The following UPF2 variants were observed in gnomAD, a reference collection of about 807,000 sequenced individuals.
UPF2 encodes UPF2 regulator of nonsense mediated mRNA decay.
A neutral mutation model predicts 141.4 loss-of-function variants in UPF2; 17 were observed. The observed-to-expected ratio is 0.12, with a 90% confidence interval of 0.08 to 0.18. The LOEUF (loss-of-function observed/expected upper bound fraction) is 0.18, where lower values mean the gene tolerates loss of function less well. Among genes scored for constraint, UPF2 ranks in the 10% least tolerant of loss-of-function variants. The pLI is 1.00. For missense variants in UPF2, 1,152 were observed against 1,515.9 expected, an observed-to-expected ratio of 0.76 and a Z score of 3.99; for synonymous variants, 540 against 498.0, an observed-to-expected ratio of 1.08 and a Z score of -1.12.
chr10:11,957,385 C>T (rs566984663), intron 12 of UPF2, among the ~76,000 whole-genome samples: 2 of 152,014 alleles, frequency 1.3e-5, no homozygotes, highest in African/African-American at 4.8e-5. Context: ...GCCGAGACTC[C>T]ACCACTGCAC....
At position 11,936,874 on chromosome 10, in the gene UPF2, G is replaced by A. The variant is rs774722362; in HGVS notation, c.3379-162C>T. ...ACCACCATAATACTCTTTCTGAAAC[G>A]TGGATAAATCTAGGGAGTATTTCTC... On this transcript the variant is annotated intron_variant, in intron 18 of 21. Coordinates refer to ENST00000357604, the MANE Select transcript of UPF2 (RefSeq NM_015542.4). The surrounding 1 kb of genome is among the most constrained non-coding windows in gnomAD (Gnocchi z 6.6). Among the ~76,000 whole-genome samples the A allele has an allele frequency of 2.0e-5, 3 of 152,122 alleles. No homozygotes were observed. The highest frequency in any genetic ancestry group is 2.9e-5 in the Non-Finnish European group (2 of 68,036).
intron 4 of UPF2, among the ~76,000 whole-genome samples, chr10:12,012,692 G>C (rs1236978791): frequency 6.6e-6 from 1 of 151,772 alleles, no homozygotes; most frequent in South Asian, 2.1e-4. Context: ...CCAGCTATTC[G>C]GGAGGCTGAG....
At chr10:11,988,190 C>G (rs921476741) in intron 8 of UPF2, among the ~76,000 whole-genome samples, 1 of 152,214 alleles carries the variant, frequency 6.6e-6, no homozygotes, top group Non-Finnish European at 1.5e-5. Flanking sequence ...GACGTTGTCC[C>G]TAGGTATCCA....
chr10:12,009,601 G>A (rs1360873262), intron 4 of UPF2, among the ~76,000 whole-genome samples: 1 of 152,152 alleles, frequency 6.6e-6, no homozygotes, highest in Non-Finnish European at 1.5e-5. Flanking sequence ...CCCTGATAGG[G>A]AGCAGACGAA....
intron 8 of UPF2, among the ~76,000 whole-genome samples, chr10:11,984,549 T>G (rs1053457119): frequency 6.6e-6 from 1 of 152,124 alleles, no homozygotes; most frequent in African/African-American, 2.4e-5. Context: ...TCTTAAACTA[T>G]GTCATTTCAC....
chr10:11,952,635 C>T (rs910715997), intron 14 of UPF2, among the ~76,000 whole-genome samples: 6 of 152,012 alleles, frequency 3.9e-5, no homozygotes, highest in Admixed American at 6.6e-5. Flanking sequence ...CCACCACGCC[C>T]GGCTACTTTT....
At chr10:11,994,638 G>A (rs182810241) in intron 8 of UPF2, among the ~76,000 whole-genome samples, 6 of 152,162 alleles carry the variant, frequency 3.9e-5, no homozygotes, top group Admixed American at 3.9e-4. Context: ...TGGACTATAT[G>A]CCAAACACTA....
In UPF2 at chr10:11,980,037, G is replaced by A. The variant is rs775563734; in HGVS notation, c.1845-872C>T. On this transcript the variant is annotated intron_variant, in intron 8 of 21. Coordinates refer to ENST00000357604, the MANE Select transcript of UPF2 (RefSeq NM_015542.4). The surrounding 1 kb of genome is among the most constrained non-coding windows in gnomAD (Gnocchi z 4.2). ...AGAACCCACTCAGATCTTCATTCAG[G>A]ATCTTAATTTGGACAGTAAATGGCA... Among the ~76,000 whole-genome samples, 3 of 152,154 alleles carry A rather than the reference G, an allele frequency of 2.0e-5. No homozygotes were observed. Among genetic ancestry groups the A allele is most frequent in the Admixed American group, 6.5e-5 (1 of 15,270 alleles).
intron 8 of UPF2, among the ~76,000 whole-genome samples, chr10:11,990,289 C>T (rs919628698): frequency 6.6e-6 from 1 of 152,194 alleles, no homozygotes; most frequent in Non-Finnish European, 1.5e-5. Context: ...AACCCATATT[C>T]CTGACATACA....
chr10:12,006,011 C>A (rs1302731804), intron 4 of UPF2, among the ~76,000 whole-genome samples: 1 of 152,052 alleles, frequency 6.6e-6, no homozygotes, highest in African/African-American at 2.4e-5. Context: ...TCCTGAGTAG[C>A]TGGGACTACA....
intron 2 of UPF2, 55 bp from the exon 3 acceptor site, chr10:12,029,579 C>T: frequency 6.7e-7 from 1 of 1,495,460 alleles, no homozygotes; most frequent in African/African-American, 1.4e-5. Flanking sequence ...AAGCATTATA[C>T]ACAAATCCCC....
At chr10:11,938,864 T>G (rs796697070) in intron 18 of UPF2, among the ~76,000 whole-genome samples, 111 of 81,044 alleles carry the variant, frequency 1.4e-3, no homozygotes, top group East Asian at 2.4e-3. Context: ...TTTTTTTTTT[T>G]TTTTTTTTTT....
chr10:11,923,277 G>A, intron 21 of UPF2: 1 of 152,374 alleles, frequency 6.6e-6, no homozygotes, highest in Non-Finnish European at 1.5e-5. Context: ...GGGTGCAGTG[G>A]CTCACGCCTG....
rs771817289 is a variant in UPF2, at chr10:12,014,163, C to T, written c.1167G>A (p.Gly389=). The change falls in exon 4 of 22, where the codon GGG becomes GGA. Residue 389 remains glycine, a synonymous_variant. Transcript: ENST00000357604. The surrounding 1 kb of genome is among the most constrained non-coding windows in gnomAD (Gnocchi z 5.0). ...GTTTATGTCTATCTTCACTGAGCTC[C>T]CCTTTAGAATGTAGAATGCGCCTAT... ...RQNRRILHSK[G]ELSEDRHKQY... is the part of the protein sequence containing the mutation. The T allele has an allele frequency of 1.3e-6, 2 of 1,494,750 alleles. No homozygotes were observed. The highest frequency in any genetic ancestry group is 1.4e-5 in the South Asian group (1 of 73,432). 92.6% of individuals were successfully genotyped at this position (1,494,750 alleles called of 1,614,324 possible).
chr10:12,024,401 G>T (rs1261542678), intron 3 of UPF2, among the ~76,000 whole-genome samples: 1 of 152,158 alleles, frequency 6.6e-6, no homozygotes, highest in Non-Finnish European at 1.5e-5. Context: ...TCTGAGGTCA[G>T]GAGTTCGAGA....
At position 11,956,657 on chromosome 10, in the gene UPF2, C is replaced by T; in HGVS notation, c.2371-134G>A. 1 of 745,226 alleles carries T rather than the reference C, an allele frequency of 1.3e-6. No individual in the cohort carries two copies. The highest frequency in any genetic ancestry group is 1.7e-5 in the South Asian group (1 of 59,976). The allele number at this position is 745,226 out of a possible 1,614,324, so 46.2% of individuals were successfully genotyped here. On this transcript the variant is annotated intron_variant, in intron 12 of 21. Transcript: ENST00000357604. The surrounding 1 kb of genome is among the most constrained non-coding windows in gnomAD (Gnocchi z 4.2). Reference sequence around the variant, plus strand: ...TACATTAGAAATCCTCTATCGGCCTCTTCAGAAATAGAAAAACTGAGACTT... The same window carrying T: ...TACATTAGAAATCCTCTATCGGCCTTTTCAGAAATAGAAAAACTGAGACTT...
intron 9 of UPF2, among the ~76,000 whole-genome samples, chr10:11,975,174 T>C (rs1243420293): frequency 1.3e-5 from 2 of 152,100 alleles, no homozygotes; most frequent in Non-Finnish European, 2.9e-5. Context: ...AACAGGAGGA[T>C]TGCGTGAGTC....
intron 4 of UPF2, among the ~76,000 whole-genome samples, chr10:12,006,502 CAA>C: frequency 1.3e-5 from 2 of 151,518 alleles, no homozygotes; most frequent in South Asian, 4.2e-4. Context: ...ACACCAAAAA[CAA>C]AAAAAACACT....
chr10:11,973,548 A>G (rs1833455554), intron 9 of UPF2, among the ~76,000 whole-genome samples: 1 of 152,094 alleles, frequency 6.6e-6, no homozygotes, highest in African/African-American at 2.4e-5. Flanking sequence ...ATCCATCTTG[A>G]ATTAATTTTT....
Sources: allele counts gnomAD v4.1 joint callset (sites outside exome capture counted in the v4.1 genomes callset), GRCh38; gene constraint gnomAD v4.1.1; non-coding constraint Gnocchi (gnomAD v3.1); transcripts MANE v1.5; gene names NCBI Gene and HGNC (gene_info 2026-07-23, HGNC 2026-07-21).